The following EDEM3 variants were observed in gnomAD, a reference collection of about 807,000 sequenced individuals.
EDEM3 encodes ER degradation enhancing alpha-mannosidase like protein 3, also known as ER degradation-enhancing alpha-mannosidase-like protein 3.
In EDEM3, 60 loss-of-function variants were observed where a neutral mutation model predicts 110.2. The ratio of observed to expected loss-of-function variants is 0.54; its 90% confidence interval spans 0.44 to 0.67. The LOEUF is 0.67. EDEM3 is among the 30% of genes least tolerant of loss of function. The pLI, the probability that EDEM3 is intolerant of heterozygous loss-of-function variation, is 0.00. For missense variants in EDEM3, 996 were observed against 1,121.0 expected (o/e 0.89, Z 1.59); for synonymous variants, 352 against 382.9 (o/e 0.92, Z 0.94).
At chr1:184,715,858 A>G (rs1000461127) in intron 13 of EDEM3, among the ~76,000 whole-genome samples, 2 of 152,128 alleles carry the variant, frequency 1.3e-5, no homozygotes, top group African/African-American at 4.8e-5. Flanking sequence ...ACCATTTCTC[A>G]TTAGCTGTGG....
At chr1:184,734,277 T>G (rs1651700918) in intron 5 of EDEM3, among the ~76,000 whole-genome samples, 1 of 152,284 alleles carries the variant, frequency 6.6e-6, no homozygotes, top group Non-Finnish European at 1.5e-5. Context: ...GGGACCAGCC[T>G]GGCCATCATG....
Position 184,708,542 on chromosome 1 carries a change from G to GT in EDEM3, c.1846-199dup, listed in dbSNP as rs139069004. ...TAGTATTTCTGAAAATAACTTATCC[G>GT]TATTTTTTATCAATGTCACTTTCGC... On this transcript the variant is annotated intron_variant, in intron 16 of 19. Transcript: ENST00000318130. Among the ~76,000 whole-genome samples, 544 of 152,184 alleles carry GT rather than the reference G, an allele frequency of 3.6e-3. 10 individuals are homozygous for GT. In the East Asian group the frequency reaches 0.048, roughly 13 times the overall value.
chr1:184,711,760 C>A lies in EDEM3; in HGVS notation c.1654G>T (p.Val552Leu). Reference protein sequence around the residue: ...AQSIREPLKNVVDKSCPRGII... With the variant: ...AQSIREPLKNLVDKSCPRGII... ...CCTCTAGGACAGCTCTTATCCACCACATTTTTCAAGGGCTCACGAATACTT... is the reference window on the plus strand; with the variant it reads ...CCTCTAGGACAGCTCTTATCCACCAAATTTTTCAAGGGCTCACGAATACTT... Residue 552 changes from valine (V) to leucine (L), a missense_variant, in exon 15 of 20, where the codon GTG becomes TTG. Val to Leu is a conservative substitution (Grantham distance 32, BLOSUM62 1). This residue lies in a region of EDEM3 where 138 missense variants were observed against 124.3 expected (regional missense o/e 1.11). Transcript: ENST00000318130. The A allele has an allele frequency of 1.2e-6, 2 of 1,613,096 alleles. No individual in the cohort carries two copies. Among genetic ancestry groups the A allele is most frequent in the Non-Finnish European group, 1.7e-6 (2 of 1,179,472 alleles).
At chr1:184,736,582 G>T (rs549422270) in intron 4 of EDEM3, among the ~76,000 whole-genome samples, 1 of 152,208 alleles carries the variant, frequency 6.6e-6, no homozygotes, top group East Asian at 1.9e-4. Flanking sequence ...GGAGTACCAA[G>T]AAGTGATCAC....
Position 184,719,425 on chromosome 1 carries a change from A to C in EDEM3, c.1077+18T>G. On this transcript the variant is annotated intron_variant, in intron 10 of 19. Coordinates refer to ENST00000318130, the MANE Select transcript of EDEM3 (RefSeq NM_025191.4). ...TCATCATCTTACATTCATATTAAGA[A>C]GACAGAATTCTTTATACCTGCAAGC... 1 of 1,604,728 alleles carries C rather than the reference A, an allele frequency of 6.2e-7. No individual in the cohort carries two copies. The highest frequency in any genetic ancestry group is 8.5e-7 in the Non-Finnish European group (1 of 1,177,378).
chr1:184,745,228 A>T (rs1202420594), intron 2 of EDEM3, among the ~76,000 whole-genome samples: 1 of 152,108 alleles, frequency 6.6e-6, no homozygotes. Context: ...GATACTATAG[A>T]ATTTCTTGTG....
rs377279843 is a variant in EDEM3, at chr1:184,754,471, G to A, written c.158+18C>T. 6.2e-6 allele frequency: 10 copies of A among 1,612,596 alleles called. No homozygotes were observed. Among genetic ancestry groups the A allele is most frequent in the African/African-American group, 4.0e-5 (3 of 74,768 alleles). ...CAGCCTCACCGAGAAACCCACCCCAGGCTGCCAGCACCCTTACCCAAGCTT... is the reference window on the plus strand; with the variant it reads ...CAGCCTCACCGAGAAACCCACCCCAAGCTGCCAGCACCCTTACCCAAGCTT... On this transcript the variant is annotated intron_variant, in intron 1 of 19. Coordinates refer to ENST00000318130, the MANE Select transcript of EDEM3 (RefSeq NM_025191.4).
At position 184,725,653 on chromosome 1, in the gene EDEM3, A is replaced by G. The variant is rs138161229; in HGVS notation, c.747+602T>C. ...TTGTTGAATTTTTAAACATTAACCT[A>G]AGTCATATGCTTGAAAAAGAGGGTG... is the stretch of plus-strand genomic sequence containing the variant. On this transcript the variant is annotated intron_variant, in intron 7 of 19. Transcript: ENST00000318130. Among the ~76,000 whole-genome samples, 281 of 151,926 alleles carry G rather than the reference A, an allele frequency of 1.8e-3. 2 individuals carry two copies. The highest frequency in any genetic ancestry group is 6.3e-3 in the African/African-American group (260 of 41,422).
chr1:184,747,589 A>G (rs1203178247), intron 2 of EDEM3, among the ~76,000 whole-genome samples: 1 of 152,228 alleles, frequency 6.6e-6, no homozygotes, highest in Non-Finnish European at 1.5e-5. Flanking sequence ...TAAAATACAT[A>G]TTACAGTGGA....
At chr1:184,716,095 C>T (rs187338983) in intron 13 of EDEM3, among the ~76,000 whole-genome samples, 56 of 152,238 alleles carry the variant, frequency 3.7e-4, no homozygotes, top group Admixed American at 1.0e-3. Flanking sequence ...GTGCTTCATG[C>T]CCCTTTAATA....
rs541847755 is a variant in EDEM3 at position 184,690,350 on chromosome 1, G to A, written c.*3713C>T. 315 of 152,196 alleles carry A rather than the reference G, an allele frequency of 2.1e-3. 1 individual carries two copies. Among genetic ancestry groups the A allele is most frequent in the African/African-American group, 7.2e-3 (298 of 41,352 alleles). The allele number at this position is 152,196 out of a possible 1,614,324, so 9.4% of individuals were successfully genotyped here. ...ACAAAATCCTTACTTTAGCCCACAA[G>A]CTTGGGTTTCTACAGCCTAAAATGT... On this transcript the variant is annotated 3_prime_UTR_variant, in exon 20 of 20. Transcript: ENST00000318130.
chr1:184,701,041 T>C (rs1649592948), intron 19 of EDEM3, among the ~76,000 whole-genome samples: 1 of 152,018 alleles, frequency 6.6e-6, no homozygotes, highest in African/African-American at 2.4e-5. Flanking sequence ...GGGGATACTG[T>C]TCACCAAGAA....
At chr1:184,741,298 C>T (rs528652290) in intron 2 of EDEM3, among the ~76,000 whole-genome samples, 18 of 152,152 alleles carry the variant, frequency 1.2e-4, no homozygotes, top group African/African-American at 4.1e-4. Context: ...ACTCGGGAGG[C>T]TGAGGCAGGA....
intron 12 of EDEM3, 75 bp downstream of exon 12, chr1:184,717,465 A>G: frequency 2.5e-6 from 3 of 1,224,084 alleles, no homozygotes; most frequent in South Asian, 1.4e-5. Context: ...AAACCCAATT[A>G]CTATTATGAA....
intron 13 of EDEM3, among the ~76,000 whole-genome samples, chr1:184,714,286 C>A (rs962384740): frequency 2.0e-5 from 3 of 152,078 alleles, no homozygotes; most frequent in East Asian, 1.9e-4. Flanking sequence ...ATTTTAAAAT[C>A]ATAAAAATAC....
intron 1 of EDEM3, among the ~76,000 whole-genome samples, chr1:184,752,319 A>T (rs1176656495): frequency 6.6e-6 from 1 of 152,038 alleles, no homozygotes; most frequent in South Asian, 2.1e-4. Flanking sequence ...GTGGGGAGGG[A>T]AAGGGGTGGG....
At chr1:184,721,443 T>G (rs1650895949) in intron 8 of EDEM3, 57 bp from the exon 9 acceptor site, 1 of 1,385,384 alleles carries the variant, frequency 7.2e-7, no homozygotes, top group Non-Finnish European at 9.9e-7. Flanking sequence ...TTAAATTTTT[T>G]TAAAAAAATA....
At chr1:184,730,230 T>A (rs1370637523) in intron 6 of EDEM3, among the ~76,000 whole-genome samples, 2 of 152,208 alleles carry the variant, frequency 1.3e-5, no homozygotes, top group East Asian at 3.8e-4. Flanking sequence ...TATTACTTCC[T>A]CTTCGAGTAA....
intron 17 of EDEM3, among the ~76,000 whole-genome samples, chr1:184,707,675 C>T (rs563500836): frequency 1.3e-5 from 2 of 152,236 alleles, no homozygotes; most frequent in African/African-American, 4.8e-5. Context: ...TTGTTTTCTA[C>T]GTTATAACTA....
Sources: allele counts gnomAD v4.1 joint callset (sites outside exome capture counted in the v4.1 genomes callset), GRCh38; gene constraint gnomAD v4.1.1; regional missense constraint gnomAD v4.1.1; transcripts MANE v1.5; gene names NCBI Gene and HGNC (gene_info 2026-07-23, HGNC 2026-07-21).